The following NRF1 variants were observed in gnomAD, a reference collection of about 807,000 sequenced individuals.
The protein encoded by NRF1 is alpha palindromic-binding protein.
A neutral mutation model predicts 58.5 loss-of-function variants in NRF1; 5 were observed. That is an observed-to-expected ratio of 0.09 (90% CI 0.04 to 0.18). NRF1 has a LOEUF of 0.18. Ranked by LOEUF, NRF1 falls within the 10% of genes least tolerant of loss-of-function variation. The pLI, the probability that NRF1 is intolerant of heterozygous loss-of-function variation, is 1.00. For synonymous variants in NRF1, 224 were observed against 246.7 expected, an observed-to-expected ratio of 0.91 and a Z score of 0.86; for missense variants, 288 against 657.7, an observed-to-expected ratio of 0.44 and a Z score of 6.15.
chr7:129,711,392 G>C (rs1363279752), intron 7 of NRF1, 83 bp from the exon 8 acceptor site: 1 of 977,036 alleles, frequency 1.0e-6, no homozygotes. Context: ...CTGAATTTGG[G>C]ATTAAATGAG....
rs1257350455 is a variant in NRF1 at position 129,673,308 on chromosome 7, G to A, written c.338+1765G>A. On this transcript the variant is annotated intron_variant, in intron 3 of 10. Transcript: ENST00000393232. ...TTCAAGGAATTCCATCAGATTTCTT[G>A]TTTGATAAGTGGTCCTTTGCCCACC... Among the ~76,000 whole-genome samples the A allele has an allele frequency of 2.0e-5, 3 of 152,192 alleles. No individual in the cohort carries two copies. In the East Asian group the frequency reaches 5.8e-4, roughly 29 times the overall value.
At chr7:129,676,574 T>C (rs1802184295) in intron 3 of NRF1, among the ~76,000 whole-genome samples, 1 of 152,256 alleles carries the variant, frequency 6.6e-6, no homozygotes, top group South Asian at 2.1e-4. Flanking sequence ...TTGCCATCTT[T>C]TGTGGGCACT....
intron 2 of NRF1, among the ~76,000 whole-genome samples, chr7:129,667,188 A>G (rs1471008164): frequency 6.6e-6 from 1 of 152,172 alleles, no homozygotes; most frequent in Non-Finnish European, 1.5e-5. Flanking sequence ...AATCCTGTTC[A>G]TTTACATCCC....
At chr7:129,619,450 A>T (rs1800734122) in intron 1 of NRF1, among the ~76,000 whole-genome samples, 2 of 93,052 alleles carry the variant, frequency 2.1e-5, no homozygotes, top group Non-Finnish European at 2.0e-5. Context: ...ACACACACAT[A>T]TATATACACG....
At chr7:129,708,909 A>T (rs1584661061) in intron 5 of NRF1, among the ~76,000 whole-genome samples, 166 bp from the exon 6 acceptor site, 1 of 152,144 alleles carries the variant, frequency 6.6e-6, no homozygotes, top group East Asian at 1.9e-4. Flanking sequence ...CCACCCATGG[A>T]GATATAGGAA....
chr7:129,632,607 A>G (rs764534237), intron 1 of NRF1, among the ~76,000 whole-genome samples: 3 of 152,040 alleles, frequency 2.0e-5, no homozygotes, highest in Non-Finnish European at 2.9e-5. Flanking sequence ...CATTTTTACA[A>G]ACTTTTTCTG....
rs538503116 is a variant in NRF1, at chr7:129,710,004, AC to A, written c.766-369del. On this transcript the variant is annotated intron_variant, in intron 6 of 10. Transcript: ENST00000393232. ...CTCAGCCTCCCAAAGTGCTGGGATT[AC>A]AGGCGTGAGCCACCATGCCTGGCCA... Among the ~76,000 whole-genome samples the A allele has an allele frequency of 4.5e-4, 69 of 152,228 alleles. No homozygotes were observed. In the East Asian group the frequency reaches 0.013, roughly 28 times the overall value.
chr7:129,678,100 CCAAGGTGT>C (rs1309465729), intron 4 of NRF1, among the ~76,000 whole-genome samples: 1 of 152,072 alleles, frequency 6.6e-6, no homozygotes, highest in East Asian at 1.9e-4. Flanking sequence ...ATAGATAATT[CCAAGGTGT>C]CAACTTCCTG....
At chr7:129,656,381 AC>A (rs1381230349) in intron 1 of NRF1, among the ~76,000 whole-genome samples, 3 of 151,044 alleles carry the variant, frequency 2.0e-5, no homozygotes, top group Non-Finnish European at 2.9e-5. Flanking sequence ...TATAATATGA[AC>A]CTGTTTTTAT....
At chr7:129,644,105 C>G (rs1801353791) in intron 1 of NRF1, among the ~76,000 whole-genome samples, 1 of 152,176 alleles carries the variant, frequency 6.6e-6, no homozygotes, top group African/African-American at 2.4e-5. Context: ...TCTGTGCTCC[C>G]TTAACCCTTA....
intron 10 of NRF1, among the ~76,000 whole-genome samples, chr7:129,754,294 C>CAAA (rs570036468): frequency 7.3e-6 from 1 of 137,162 alleles, no homozygotes; most frequent in East Asian, 2.1e-4. Flanking sequence ...GACTCCATCT[C>CAAA]AAAAAAAAAA....
At chr7:129,754,995 C>T (rs1367097729) in intron 10 of NRF1, 23 bp from the exon 11 acceptor site, 8 of 1,560,110 alleles carry the variant, frequency 5.1e-6, no homozygotes, top group East Asian at 2.4e-5. Flanking sequence ...GCCCCACCAA[C>T]GGTCTTCTCT....
intron 8 of NRF1, among the ~76,000 whole-genome samples, chr7:129,714,945 A>G (rs563362684): frequency 6.6e-6 from 1 of 152,198 alleles, no homozygotes; most frequent in African/African-American, 2.4e-5. Context: ...TGCAGTAAGC[A>G]CTGCTAAGGT....
intron 1 of NRF1, among the ~76,000 whole-genome samples, chr7:129,632,818 G>A (rs1474558218): frequency 6.6e-6 from 1 of 152,040 alleles, no homozygotes; most frequent in Non-Finnish European, 1.5e-5. Flanking sequence ...TTTTTTGTAG[G>A]GAATTTTAAA....
intron 10 of NRF1, among the ~76,000 whole-genome samples, chr7:129,752,931 G>A (rs535771616): frequency 6.6e-6 from 1 of 152,166 alleles, no homozygotes; most frequent in Non-Finnish European, 1.5e-5. Flanking sequence ...GCAAGTGTGG[G>A]GGCGACTGGC....
chr7:129,672,971 G>A (rs2151084020), intron 3 of NRF1, among the ~76,000 whole-genome samples: 1 of 152,288 alleles, frequency 6.6e-6, no homozygotes, highest in East Asian at 1.9e-4. Context: ...CCACCTTTTA[G>A]AGGTTAGAGA....
chr7:129,655,337 T>A (rs1172793485), intron 1 of NRF1, among the ~76,000 whole-genome samples: 3 of 152,206 alleles, frequency 2.0e-5, no homozygotes, highest in Non-Finnish European at 2.9e-5. Context: ...GAGTTTTTTT[T>A]ATTGATTATT....
intron 5 of NRF1, among the ~76,000 whole-genome samples, chr7:129,707,101 C>CT (rs1335219520): frequency 6.6e-6 from 1 of 152,140 alleles, no homozygotes; most frequent in African/African-American, 2.4e-5. Flanking sequence ...TCAAGCGATC[C>CT]TCCTGCCTCA....
intron 1 of NRF1, among the ~76,000 whole-genome samples, chr7:129,639,545 C>CTTT (rs11325662): frequency 8.1e-6 from 1 of 123,912 alleles, no homozygotes. Flanking sequence ...CCCCACAACC[C>CTTT]TTTTTTTTTT....
Sources: gnomAD v4.1 joint callset for allele counts (sites outside exome capture counted in the v4.1 genomes callset) on GRCh38, gnomAD v4.1.1 for gene constraint, MANE v1.5 for transcripts, NCBI Gene and HGNC (gene_info 2026-07-23, HGNC 2026-07-21) for gene names.